The following FZD8 variants were observed in gnomAD, a reference collection of about 807,000 sequenced individuals.
The protein encoded by FZD8 is frizzled class receptor 8.
FZD8 carries 18 observed loss-of-function variants against 46.0 expected under a neutral mutation model. The ratio of observed to expected loss-of-function variants is 0.39; its 90% CI spans 0.27 to 0.58. FZD8 has a LOEUF of 0.58. Among genes scored for constraint, FZD8 ranks in the 20% least tolerant of loss-of-function variants. The pLI is 0.55. For synonymous variants in FZD8, 586 were observed against 467.9 expected (o/e 1.25, Z -3.26); for missense variants, 785 against 983.4 (o/e 0.80, Z 2.70).
At position 35,639,652 on chromosome 10, in the gene FZD8, C is replaced by T. The variant is rs1251036768; in HGVS notation, c.1778G>A (p.Cys593Tyr). ...GCCCGAGGTGATGCCCACCACTAGG[C>T]ACATGAAGTACTTGAGCATGAAGAC... ...YAVFMLKYFM[C>Y]LVVGITSGVW... Residue 593 changes from cysteine (C) to tyrosine (Y), a missense_variant, in exon 1 of 1, where the codon TGC becomes TAC. This residue lies in a region of FZD8 where 185 missense variants were observed against 180.8 expected (regional missense o/e 1.02). Transcript: ENST00000374694. 6.3e-7 allele frequency: 1 copy of T among 1,598,802 alleles called. No homozygotes were observed. The highest frequency in any genetic ancestry group is 2.2e-5 in the East Asian group (1 of 44,852).
Position 35,640,682 on chromosome 10 carries a change from T to A in FZD8, c.748A>T (p.Asn250Tyr). The A allele has an allele frequency of 6.5e-7, 1 of 1,536,120 alleles. No individual in the cohort carries two copies. Among genetic ancestry groups the A allele is most frequent in the Non-Finnish European group, 8.8e-7 (1 of 1,135,244 alleles). ...GCGATCTGGCCTGTCTTGACGCGGT[T>A]GTAGAGCGGGTGGCGCTCGCTGGAC... ...SVSSERHPLY[N>Y]RVKTGQIANC... The change falls in exon 1 of 1, where the codon AAC becomes TAC. Residue 250 changes from asparagine (N) to tyrosine (Y), a missense_variant. Asn to Tyr is a moderately radical substitution (Grantham distance 143). Transcript: ENST00000374694.
rs1306678441 is a variant in FZD8, at chr10:35,640,286, C to G, written c.1144G>C (p.Val382Leu). The change falls in exon 1 of 1, where the codon GTG becomes CTG. Residue 382 changes from valine to leucine, a missense_variant. Coordinates refer to ENST00000374694, the MANE Select transcript of FZD8 (RefSeq NM_031866.3). Reference sequence around the variant, plus strand: ...GTCTCGTAGCGCACGTGCTGCTCCACCGCGCCCAGCTCCTCGTACTCGCCG... The same window carrying G: ...GTCTCGTAGCGCACGTGCTGCTCCAGCGCGCCCAGCTCCTCGTACTCGCCG... ...GRGEYEELGA[V>L]EQHVRYETTG... 3 of 1,589,366 alleles carry G rather than the reference C, an allele frequency of 1.9e-6. No homozygotes were observed. Among genetic ancestry groups the G allele is most frequent in the Non-Finnish European group, 2.6e-6 (3 of 1,173,580 alleles).
Position 35,640,701 on chromosome 10 carries a change from G to C in FZD8, c.729C>G (p.Ser243Arg). The C allele has an allele frequency of 6.6e-7, 1 of 1,517,178 alleles. No individual in the cohort carries two copies. Among genetic ancestry groups the C allele is most frequent in the Non-Finnish European group, 8.9e-7 (1 of 1,124,884 alleles). The allele number at this position is 1,517,178 out of a possible 1,614,324, so 94.0% of individuals were successfully genotyped here. A position where few individuals can be genotyped will look rare whatever the true frequency, so the allele number is the denominator to read the frequency against. ...QCRAPMVSVS[S>R]ERHPLYNRVK... is the part of the protein sequence containing the mutation. ...CGCGGTTGTAGAGCGGGTGGCGCTC[G>C]CTGGACACGCTCACCATAGGCGCGC... The change falls in exon 1 of 1, where the codon AGC becomes AGG. Residue 243 changes from serine to arginine, a missense_variant. Coordinates refer to ENST00000374694, the MANE Select transcript of FZD8 (RefSeq NM_031866.3).
chr10:35,642,290 C>G lies in FZD8; in HGVS notation c.-861G>C, dbSNP rs7911770. 5,771 of 152,312 alleles carry G rather than the reference C, an allele frequency of 0.038. 180 individuals carry two copies. Among genetic ancestry groups the G allele is most frequent in the East Asian group, 0.14 (724 of 5,128 alleles). The allele number at this position is 152,312 out of a possible 1,614,324, so 9.4% of individuals were successfully genotyped here. A position where few individuals can be genotyped will look rare whatever the true frequency, so the allele number is the denominator to read the frequency against. Reference sequence around the variant, plus strand: ...TAGCCCAACTTCCCGGCTCCAGCCCCGCTCGCGCCGCGCTGCCGGCTCATG... The same window carrying G: ...TAGCCCAACTTCCCGGCTCCAGCCCGGCTCGCGCCGCGCTGCCGGCTCATG... On this transcript the variant is annotated 5_prime_UTR_variant, in exon 1 of 1. Transcript: ENST00000374694.
rs1408947328 is a variant in FZD8 at position 35,641,343 on chromosome 10, C to T, written c.87G>A (p.Ser29=). Residue 29 remains serine (S), a synonymous_variant, in exon 1 of 1, where the codon TCG becomes TCA. Coordinates refer to ENST00000374694, the MANE Select transcript of FZD8 (RefSeq NM_031866.3). This position sits in a 1 kb window ranked among gnomAD's most constrained non-coding sequence, Gnocchi z 6.3. ...LQRSSGAAAA[S]AKELACQEIT... ...TCTCTTGGCATGCCAGCTCCTTGGCCGAGGCGGCCGCAGCGCCGCTAGAGC... is the reference window on the plus strand; with the variant it reads ...TCTCTTGGCATGCCAGCTCCTTGGCTGAGGCGGCCGCAGCGCCGCTAGAGC... 5.0e-6 allele frequency: 8 copies of T among 1,613,566 alleles called. No homozygotes were observed. Among genetic ancestry groups the T allele is most frequent in the Non-Finnish European group, 5.1e-6 (6 of 1,179,884 alleles).
At position 35,640,974 on chromosome 10, in the gene FZD8, G is replaced by A; in HGVS notation, c.456C>T (p.Asn152=). Residue 152 remains asparagine, a synonymous_variant, in exon 1 of 1, where the codon AAC becomes AAT. Coordinates refer to ENST00000374694, the MANE Select transcript of FZD8 (RefSeq NM_031866.3). ...GCGCGGCGGTGGTTAGGTCGGTGCG[G>A]TTGTAGTCCATGCACAGCGTGTCAG... ...GNPDTLCMDY[N]RTDLTTAAPS... The A allele has an allele frequency of 6.3e-7, 1 of 1,595,024 alleles. No homozygotes were observed.
chr10:35,641,484 C>CGGGGGG lies in FZD8; in HGVS notation c.-61_-56dup, dbSNP rs142623421. On this transcript the variant is annotated 5_prime_UTR_variant, in exon 1 of 1. Coordinates refer to ENST00000374694, the MANE Select transcript of FZD8 (RefSeq NM_031866.3). This position sits in a 1 kb window ranked among gnomAD's most constrained non-coding sequence, Gnocchi z 6.3. The stretch of plus-strand genomic sequence containing the variant: ...CTCCAGGCGGCGCGCAGAGGGGTGC[C>CGGGGGG]GGGGGGGGGGCCCACGAGAGAGCCG... 5 of 1,369,792 alleles carry CGGGGGG rather than the reference C, an allele frequency of 3.7e-6. No homozygotes were observed. In the African/African-American group the frequency reaches 6.0e-5, roughly 16 times the overall value. The allele number at this position is 1,369,792 out of a possible 1,614,324, so 84.9% of individuals were successfully genotyped here. A position where few individuals can be genotyped will look rare whatever the true frequency, so the allele number is the denominator to read the frequency against.
At position 35,640,380 on chromosome 10, in the gene FZD8, AGCGCCCCCC is replaced by A. The variant is rs765701909; in HGVS notation, c.1041_1049del (p.Gly354_Ala356del). The A allele has an allele frequency of 1.8e-3, 1,853 of 1,051,602 alleles. 1 individual carries two copies. The highest frequency in any genetic ancestry group is 3.5e-3 in the Admixed American group (74 of 20,874). 65.1% of individuals were successfully genotyped at this position (1,051,602 alleles called of 1,614,324 possible). A position where few individuals can be genotyped will look rare whatever the true frequency, so the allele number is the denominator to read the frequency against. The stretch of plus-strand genomic sequence containing the variant: ...CCGCCGCCGCGCCGCCCGCGCCCCC[AGCGCCCCCC>A]GCGCCCGGCGCGCCACCGCTGCACG... On this transcript the variant is annotated inframe_deletion, in exon 1 of 1. Transcript: ENST00000374694.
chr10:35,640,774 C>T lies in FZD8; in HGVS notation c.656G>A (p.Arg219Gln). The T allele has an allele frequency of 8.5e-7, 1 of 1,179,784 alleles. No homozygotes were observed. The highest frequency in any genetic ancestry group is 1.0e-6 in the Non-Finnish European group (1 of 954,198). The allele number at this position is 1,179,784 out of a possible 1,614,324, so 73.1% of individuals were successfully genotyped here. A position where few individuals can be genotyped will look rare whatever the true frequency, so the allele number is the denominator to read the frequency against. Reference sequence around the variant, plus strand: ...GGGAGCCGCGCCGCCGCCAGGGGGCCGCGCCTTCCCGCCACCGCCGCCGCC... The same window carrying T: ...GGGAGCCGCGCCGCCGCCAGGGGGCTGCGCCTTCCCGCCACCGCCGCCGCC... ...ARGGGGGGKA[R>Q]PPGGGAAPCE... The change falls in exon 1 of 1, where the codon CGG becomes CAG. Residue 219 changes from arginine (R) to glutamine (Q), a missense_variant. Physicochemically the swap from Arg to Gln is conservative, Grantham distance 43. This residue lies in a region of FZD8 where 354 missense variants were observed against 433.2 expected (regional missense o/e 0.82). Transcript: ENST00000374694.
At position 35,641,929 on chromosome 10, in the gene FZD8, G is replaced by T; in HGVS notation, c.-500C>A. 6.5e-6 allele frequency: 1 copy of T among 153,002 alleles called. No homozygotes were observed. The highest frequency in any genetic ancestry group is 1.8e-4 in the South Asian group (1 of 5,616). The allele number at this position is 153,002 out of a possible 1,614,324, so 9.5% of individuals were successfully genotyped here. ...CTGGGCCGGGCCGCTTGCCGCGCCG[G>T]GTCAGCCCTGGCGGCCACCACTCGG... On this transcript the variant is annotated 5_prime_UTR_variant, in exon 1 of 1. Coordinates refer to ENST00000374694, the MANE Select transcript of FZD8 (RefSeq NM_031866.3). The surrounding 1 kb of genome is among the most constrained non-coding windows in gnomAD (Gnocchi z 6.3).
chr10:35,641,488 G>T lies in FZD8; in HGVS notation c.-59C>A, dbSNP rs1469362150. 52 of 1,513,722 alleles carry T rather than the reference G, an allele frequency of 3.4e-5. 1 individual carries two copies. Among genetic ancestry groups the T allele is most frequent in the Non-Finnish European group, 4.4e-5 (50 of 1,137,786 alleles). 93.8% of individuals were successfully genotyped at this position (1,513,722 alleles called of 1,614,324 possible). On this transcript the variant is annotated 5_prime_UTR_variant, in exon 1 of 1. Coordinates refer to ENST00000374694, the MANE Select transcript of FZD8 (RefSeq NM_031866.3). The surrounding 1 kb of genome is among the most constrained non-coding windows in gnomAD (Gnocchi z 6.3). ...AGGCGGCGCGCAGAGGGGTGCCGGGGGGGGGGCCCACGAGAGAGCCGCAGA... is the reference window on the plus strand; with the variant it reads ...AGGCGGCGCGCAGAGGGGTGCCGGGTGGGGGGCCCACGAGAGAGCCGCAGA...
rs755948220 is a variant in FZD8 at position 35,640,482 on chromosome 10, G to C, written c.948C>G (p.Leu316=). The part of the protein sequence containing the change: ...FKYPERPIIF[L]SACYLFVSVG... ...CCGACACGAAGAGGTAGCAGGCCGA[G>C]AGGAAGATAATGGGCCGCTCCGGGT... The change falls in exon 1 of 1, where the codon CTC becomes CTG. Residue 316 remains leucine, a synonymous_variant. Transcript: ENST00000374694. The C allele has an allele frequency of 7.0e-6, 11 of 1,581,102 alleles. No individual in the cohort carries two copies. The highest frequency in any genetic ancestry group is 1.7e-5 in the Admixed American group (1 of 57,374).
Position 35,639,323 on chromosome 10 carries a change from C to CCCGG in FZD8, c.*21_*22insCCGG. 4 of 1,258,030 alleles carry CCCGG rather than the reference C, an allele frequency of 3.2e-6. No homozygotes were observed. Among genetic ancestry groups the CCCGG allele is most frequent in the South Asian group, 2.9e-5 (2 of 67,838 alleles). 77.9% of individuals were successfully genotyped at this position (1,258,030 alleles called of 1,614,324 possible). ...CTCCTCGCCCCCCTCCCCACCCCTC[C>CCCGG]TGGGCGCCCCCTCCCCTCCGCTCAG... On this transcript the variant is annotated 3_prime_UTR_variant, in exon 1 of 1. Coordinates refer to ENST00000374694, the MANE Select transcript of FZD8 (RefSeq NM_031866.3).
chr10:35,639,975 C>A lies in FZD8; in HGVS notation c.1455G>T (p.Val485=). ...AGAGGTAGATGACCAGCGGCGCCAG[C>A]ACGAAGCCGCGCAGGTTGTCCAGGC... ...NQSLDNLRGF[V]LAPLVIYLFI... The change falls in exon 1 of 1, where the codon GTG becomes GTT. Residue 485 remains valine, a synonymous_variant. Transcript: ENST00000374694. 8.1e-6 allele frequency: 13 copies of A among 1,612,782 alleles called. No individual in the cohort carries two copies. The highest frequency in any genetic ancestry group is 1.1e-5 in the South Asian group (1 of 91,046).
chr10:35,638,737 C>T lies in FZD8; in HGVS notation c.*608G>A, dbSNP rs1453971344. 7.3e-5 allele frequency: 2 copies of T among 27,332 alleles called. No individual in the cohort carries two copies. The highest frequency in any genetic ancestry group is 6.3e-4 in the Admixed American group (1 of 1,590). 1.7% of individuals were successfully genotyped at this position (27,332 alleles called of 1,614,324 possible). ...TATCTTTGGATATATACATATTTTACACTTTTTTTTTTACAATTTAACAAA... is the reference window on the plus strand; with the variant it reads ...TATCTTTGGATATATACATATTTTATACTTTTTTTTTTACAATTTAACAAA... On this transcript the variant is annotated 3_prime_UTR_variant, in exon 1 of 1. Transcript: ENST00000374694.
In FZD8 at chr10:35,640,089, A is replaced by C. The variant is rs1224582914; in HGVS notation, c.1341T>G (p.Leu447=). Reference sequence around the variant, plus strand: ...CCGCGATGGACTTGACGCTGGGCACAAGCCACGCGGCCAGGTGGAAGTACT... The same window carrying C: ...CCGCGATGGACTTGACGCTGGGCACCAGCCACGCGGCCAGGTGGAAGTACT... The part of the protein sequence containing the change: ...YSQYFHLAAW[L]VPSVKSIAVL... The change falls in exon 1 of 1, where the codon CTT becomes CTG. Residue 447 remains leucine, a synonymous_variant. Coordinates refer to ENST00000374694, the MANE Select transcript of FZD8 (RefSeq NM_031866.3). 16 of 1,611,414 alleles carry C rather than the reference A, an allele frequency of 9.9e-6. No homozygotes were observed. The African/African-American group carries it at 2.0e-4, about 20-fold the overall frequency.
Position 35,640,333 on chromosome 10 carries a change from CCCGCGCCCG to C in FZD8, c.1088_1096del (p.Ala363_Ala365del), listed in dbSNP as rs1203654403. On this transcript the variant is annotated inframe_deletion, in exon 1 of 1. Coordinates refer to ENST00000374694, the MANE Select transcript of FZD8 (RefSeq NM_031866.3). Reference sequence around the variant, plus strand: ...GCCGCGCCCGCCCGGGCCGCCCGCGCCCGCGCCCGCCGCGCCCGCGCCCGCCGCCGCGCC... The same window carrying C: ...GCCGCGCCCGCCCGGGCCGCCCGCGCCCGCGCCCGCGCCCGCCGCCGCGCC... 2.0e-6 allele frequency: 2 copies of C among 1,012,944 alleles called. No homozygotes were observed. The highest frequency in any genetic ancestry group is 2.4e-6 in the Non-Finnish European group (2 of 846,010). 62.7% of individuals were successfully genotyped at this position (1,012,944 alleles called of 1,614,324 possible). A position where few individuals can be genotyped will look rare whatever the true frequency, so the allele number is the denominator to read the frequency against.
In FZD8 at chr10:35,640,482, G is replaced by A. The variant is rs755948220; in HGVS notation, c.948C>T (p.Leu316=). The part of the protein sequence containing the change: ...FKYPERPIIF[L]SACYLFVSVG... ...CCGACACGAAGAGGTAGCAGGCCGA[G>A]AGGAAGATAATGGGCCGCTCCGGGT... The change falls in exon 1 of 1, where the codon CTC becomes CTT. Residue 316 remains leucine, a synonymous_variant. Coordinates refer to ENST00000374694, the MANE Select transcript of FZD8 (RefSeq NM_031866.3). The A allele has an allele frequency of 1.3e-6, 2 of 1,581,102 alleles. No individual in the cohort carries two copies. Among genetic ancestry groups the A allele is most frequent in the Admixed American group, 3.5e-5 (2 of 57,374 alleles).
At position 35,641,229 on chromosome 10, in the gene FZD8, C is replaced by T; in HGVS notation, c.201G>A (p.Leu67=). The change falls in exon 1 of 1, where the codon CTG becomes CTA. Residue 67 remains leucine, a synonymous_variant. Coordinates refer to ENST00000374694, the MANE Select transcript of FZD8 (RefSeq NM_031866.3). This position sits in a 1 kb window ranked among gnomAD's most constrained non-coding sequence, Gnocchi z 6.3. The part of the protein sequence containing the change: ...FNHDTQDEAG[L]EVHQFWPLVE... Reference sequence around the variant, plus strand: ...CCAGCGGCCAGAACTGGTGCACCTCCAGGCCCGCCTCGTCTTGCGTGTCGT... The same window carrying T: ...CCAGCGGCCAGAACTGGTGCACCTCTAGGCCCGCCTCGTCTTGCGTGTCGT... 1 of 1,614,082 alleles carries T rather than the reference C, an allele frequency of 6.2e-7. No homozygotes were observed. The highest frequency in any genetic ancestry group is 8.5e-7 in the Non-Finnish European group (1 of 1,179,956).
Sources: allele counts gnomAD v4.1 joint callset, GRCh38; gene constraint gnomAD v4.1.1; regional missense constraint gnomAD v4.1.1; non-coding constraint Gnocchi (gnomAD v3.1); transcripts MANE v1.5; gene names NCBI Gene and HGNC (gene_info 2026-07-23, HGNC 2026-07-21).